NRXN1: variants seen among roughly 807,000 people sequenced by gnomAD.
NRXN1 encodes the protein neurexin 1.
Under a neutral mutation model 150.9 loss-of-function variants are expected in NRXN1, and 39 were observed. The ratio of observed to expected loss-of-function variants is 0.26; its 90% CI spans 0.20 to 0.34. The LOEUF is 0.34. Ranked by LOEUF, NRXN1 falls within the 10% of genes least tolerant of loss-of-function variation. The pLI, the probability that NRXN1 is intolerant of heterozygous loss-of-function variation, is 1.00. For missense variants in NRXN1, 1,815 were observed against 1,949.9 expected, an observed-to-expected ratio of 0.93 and a Z score of 1.30; for synonymous variants, 924 against 757.0, an observed-to-expected ratio of 1.22 and a Z score of -3.62.
intron 17 of NRXN1, among the ~76,000 whole-genome samples, chr2:50,422,687 GA>G (rs2084092096): frequency 6.6e-6 from 1 of 152,142 alleles, no homozygotes; most frequent in Non-Finnish European, 1.5e-5. Context: ...TCTAAGTGCA[GA>G]TGAAGATTTG....
intron 19 of NRXN1, among the ~76,000 whole-genome samples, chr2:50,084,100 G>T (rs575973227): frequency 4.6e-5 from 7 of 152,334 alleles, no homozygotes; most frequent in African/African-American, 1.7e-4. Flanking sequence ...GGTGCTGATT[G>T]CTGTGTTTAC....
intron 5 of NRXN1, among the ~76,000 whole-genome samples, chr2:50,727,118 T>C (rs564848589): frequency 3.7e-4 from 56 of 150,974 alleles, no homozygotes; most frequent in African/African-American, 1.2e-3. Context: ...TTAAAAAAAA[T>C]CTATGAAGCA....
At chr2:50,576,220 G>GA (rs932872654) in intron 8 of NRXN1, among the ~76,000 whole-genome samples, 77 of 152,198 alleles carry the variant, frequency 5.1e-4, no homozygotes, top group African/African-American at 1.9e-3. Context: ...AAATAGATCA[G>GA]AAAAAATCAT....
intron 17 of NRXN1, among the ~76,000 whole-genome samples, chr2:50,327,908 C>T (rs2076496782): frequency 6.6e-6 from 1 of 152,168 alleles, no homozygotes; most frequent in East Asian, 1.9e-4. Flanking sequence ...CTTGGCCTCC[C>T]AAAATGCTGG....
chr2:50,948,061 A>C, intron 2 of NRXN1, among the ~76,000 whole-genome samples: 1 of 151,986 alleles, frequency 6.6e-6, no homozygotes, highest in East Asian at 1.9e-4. Context: ...AAATATATTA[A>C]TATTTCAGAA....
At chr2:50,534,937 T>G (rs1297465190) in intron 10 of NRXN1, among the ~76,000 whole-genome samples, 1 of 152,246 alleles carries the variant, frequency 6.6e-6, no homozygotes, top group East Asian at 1.9e-4. Context: ...TCAGAATCAT[T>G]AGCCTTTAAC....
intron 5 of NRXN1, among the ~76,000 whole-genome samples, chr2:50,628,202 T>C (rs1006948932): frequency 6.6e-6 from 1 of 151,832 alleles, no homozygotes; most frequent in Non-Finnish European, 1.5e-5. Flanking sequence ...AGGGGTTAAA[T>C]AATAAACAGT....
At chr2:50,615,604 T>C (rs946609318) in intron 8 of NRXN1, 2 of 152,056 alleles carry the variant, frequency 1.3e-5, no homozygotes, top group African/African-American at 2.4e-5. Context: ...ACGATGAAAA[T>C]ATTGGGATAG....
intron 17 of NRXN1, among the ~76,000 whole-genome samples, chr2:50,247,232 A>T (rs1410867973): frequency 6.6e-6 from 1 of 152,130 alleles, no homozygotes; most frequent in African/African-American, 2.4e-5. Flanking sequence ...GTAAGAAATA[A>T]GTATTATGAA....
At chr2:50,950,345 T>C (rs1673684361) in intron 2 of NRXN1, among the ~76,000 whole-genome samples, 1 of 152,192 alleles carries the variant, frequency 6.6e-6, no homozygotes. Flanking sequence ...TATCTAGTTA[T>C]TTTTTAAAAT....
intron 8 of NRXN1, among the ~76,000 whole-genome samples, chr2:50,584,524 C>T (rs1052069569): frequency 6.6e-6 from 1 of 152,040 alleles, no homozygotes; most frequent in East Asian, 1.9e-4. Context: ...ATTTACACTC[C>T]CTTTCTGAAC....
chr2:50,099,305 A>G (rs772456441), intron 18 of NRXN1, among the ~76,000 whole-genome samples: 1 of 152,004 alleles, frequency 6.6e-6, no homozygotes, highest in African/African-American at 2.4e-5. Context: ...CCTTCACCAC[A>G]CTTCCCAGAA....
chr2:51,000,062 A>G (rs1053212476), intron 2 of NRXN1, among the ~76,000 whole-genome samples: 8 of 151,900 alleles, frequency 5.3e-5, no homozygotes, highest in Non-Finnish European at 1.0e-4. Flanking sequence ...GTGCCCATCT[A>G]TCTCTCAATC....
intron 5 of NRXN1, among the ~76,000 whole-genome samples, chr2:50,727,303 T>C (rs1381800051): frequency 6.6e-6 from 1 of 152,184 alleles, no homozygotes; most frequent in Non-Finnish European, 1.5e-5. Flanking sequence ...AGTTACAACA[T>C]ACATGCTTTG....
chr2:50,656,761 A>C (rs944921535), intron 5 of NRXN1, among the ~76,000 whole-genome samples: 1 of 151,782 alleles, frequency 6.6e-6, no homozygotes, highest in Non-Finnish European at 1.5e-5. Context: ...AAAAAAAAAG[A>C]CAAAACAAAC....
At chr2:50,286,425 C>T (rs1379518747) in intron 17 of NRXN1, among the ~76,000 whole-genome samples, 1 of 152,086 alleles carries the variant, frequency 6.6e-6, no homozygotes, top group Non-Finnish European at 1.5e-5. Flanking sequence ...CACATAATGT[C>T]CCCCAGTTTT....
At chr2:50,012,703 A>C (rs1412008247) in intron 21 of NRXN1, among the ~76,000 whole-genome samples, 2 of 152,154 alleles carry the variant, frequency 1.3e-5, no homozygotes, top group African/African-American at 2.4e-5. Context: ...GAAACTCTAC[A>C]AGGCACCAAG....
intron 5 of NRXN1, chr2:50,898,571 G>A: frequency 2.1e-6 from 1 of 482,746 alleles, no homozygotes; most frequent in South Asian, 1.5e-5. Flanking sequence ...AAATGAAACG[G>A]GATATTGTGC....
chr2:50,483,029 C>A (rs1313346184), intron 15 of NRXN1, among the ~76,000 whole-genome samples: 2 of 116,374 alleles, frequency 1.7e-5, no homozygotes, highest in South Asian at 3.0e-4. Context: ...CCAGCCTGGG[C>A]GACAGGGAGA....
Sources: allele counts gnomAD v4.1 joint callset (sites outside exome capture counted in the v4.1 genomes callset), GRCh38; gene constraint gnomAD v4.1.1; transcripts MANE v1.5; gene names NCBI Gene and HGNC (gene_info 2026-07-23, HGNC 2026-07-21).